Variants in SNTG2 observed in about 807,000 individuals in gnomAD.
SNTG2 encodes the protein gamma-2-syntrophin.
SNTG2 carries 74 observed loss-of-function variants against 70.9 expected under a neutral mutation model. The ratio of observed to expected loss-of-function variants is 1.04; its 90% CI spans 0.86 to 1.27. The LOEUF (loss-of-function observed/expected upper bound fraction) is 1.27. Ranked by LOEUF, SNTG2 falls within the 50% of genes most tolerant of loss-of-function variation. SNTG2 has a pLI of 0.00. For missense variants in SNTG2, 717 were observed against 690.7 expected (o/e 1.04, Z -0.43); for synonymous variants, 278 against 273.8 (o/e 1.02, Z -0.15).
intron 9 of SNTG2, chr2:1,210,444 G>A (rs1239641607): frequency 3.3e-5 from 5 of 152,200 alleles, no homozygotes; most frequent in African/African-American, 1.2e-4. Flanking sequence ...ATATGCCATG[G>A]TGGTCCCATT....
chr2:952,211 G>T lies in SNTG2; in HGVS notation c.72+1143G>T, dbSNP rs145599197. 1.1e-4 allele frequency among the ~76,000 whole-genome samples: 16 copies of T among 152,240 alleles called. 1 individual carries two copies. In the East Asian group the frequency reaches 3.1e-3, roughly 29 times the overall value. On this transcript the variant is annotated intron_variant, in intron 1 of 16. Coordinates refer to ENST00000308624, the MANE Select transcript of SNTG2 (RefSeq NM_018968.4). ...ACTGTTGCCCATGGTAATCAAACCC[G>T]AGAAAATATGCGGGGATTACCTGGA...
chr2:957,753 C>T (rs1320661609), intron 1 of SNTG2, among the ~76,000 whole-genome samples: 1 of 151,976 alleles, frequency 6.6e-6, no homozygotes, highest in African/African-American at 2.4e-5. Context: ...GATGCAGTCA[C>T]AGGCCAGGGG....
chr2:1,129,892 A>G (rs552895238), intron 4 of SNTG2, among the ~76,000 whole-genome samples: 2 of 152,296 alleles, frequency 1.3e-5, no homozygotes. Context: ...TGTCATCTTC[A>G]TGGAATTTAA....
chr2:1,063,466 C>T (rs1219964640), intron 1 of SNTG2, among the ~76,000 whole-genome samples: 1 of 152,050 alleles, frequency 6.6e-6, no homozygotes, highest in Non-Finnish European at 1.5e-5. Context: ...TGGCTCTCTC[C>T]AAAAGCACCA....
chr2:1,287,822 C>T (rs547911302), intron 14 of SNTG2, among the ~76,000 whole-genome samples: 2 of 152,194 alleles, frequency 1.3e-5, no homozygotes, highest in South Asian at 2.1e-4. Context: ...AAATAAGATG[C>T]GTCCTTTTCC....
chr2:1,148,471 G>A (rs1385886520), intron 6 of SNTG2, among the ~76,000 whole-genome samples: 1 of 152,202 alleles, frequency 6.6e-6, no homozygotes, highest in Non-Finnish European at 1.5e-5. Flanking sequence ...TGCTGTGTGT[G>A]TTTTGTGTTA....
At chr2:1,112,727 A>C (rs1430469008) in intron 4 of SNTG2, among the ~76,000 whole-genome samples, 1 of 149,702 alleles carries the variant, frequency 6.7e-6, no homozygotes, top group Non-Finnish European at 1.5e-5. Flanking sequence ...TCCTTTGAGG[A>C]GGATCGTGTG....
intron 4 of SNTG2, among the ~76,000 whole-genome samples, chr2:1,103,968 C>T (rs13389243): frequency 0.021 from 3,190 of 152,256 alleles, 45 homozygotes; most frequent in Middle Eastern, 0.054. Flanking sequence ...ATGGATAAGA[C>T]TAGGGAGAAA....
chr2:1,240,722 C>G (rs376640318), intron 11 of SNTG2, among the ~76,000 whole-genome samples: 1 of 152,254 alleles, frequency 6.6e-6, no homozygotes, highest in East Asian at 1.9e-4. Flanking sequence ...GAAAATAGGG[C>G]TGTGTTTTAA....
intron 1 of SNTG2, among the ~76,000 whole-genome samples, chr2:981,990 G>A (rs778055183): frequency 6.6e-6 from 1 of 152,042 alleles, no homozygotes; most frequent in Non-Finnish European, 1.5e-5. Flanking sequence ...ACATGCACTT[G>A]TGCACACACG....
chr2:999,381 C>T (rs530173914), intron 1 of SNTG2, among the ~76,000 whole-genome samples: 2 of 151,992 alleles, frequency 1.3e-5, no homozygotes, highest in Admixed American at 1.3e-4. Context: ...ATTATTCAAC[C>T]ATATGCTGCT....
intron 1 of SNTG2, among the ~76,000 whole-genome samples, chr2:1,032,041 A>G (rs1007882296): frequency 6.6e-6 from 1 of 152,234 alleles, no homozygotes; most frequent in Non-Finnish European, 1.5e-5. Context: ...TGAATTATAT[A>G]TAATTAAAGT....
chr2:1,351,244 A>G (rs1660555723), intron 16 of SNTG2, among the ~76,000 whole-genome samples: 1 of 152,122 alleles, frequency 6.6e-6, no homozygotes, highest in Non-Finnish European at 1.5e-5. Context: ...GCAGGGATTC[A>G]TCTTTAAAAT....
chr2:1,198,467 T>TAA (rs903027429), intron 8 of SNTG2, among the ~76,000 whole-genome samples: 17 of 141,606 alleles, frequency 1.2e-4, no homozygotes, highest in African/African-American at 1.8e-4. Flanking sequence ...TCGAAAAACG[T>TAA]AAAAAAAAAA....
chr2:1,172,931 G>A (rs1671221023), intron 7 of SNTG2, among the ~76,000 whole-genome samples, 161 bp from the exon 8 acceptor site: 1 of 152,182 alleles, frequency 6.6e-6, no homozygotes, highest in African/African-American at 2.4e-5. Flanking sequence ...ATCACAGCAG[G>A]AAAGTGAGAG....
At chr2:1,213,144 A>G (rs1287339894) in intron 9 of SNTG2, among the ~76,000 whole-genome samples, 1 of 152,236 alleles carries the variant, frequency 6.6e-6, no homozygotes, top group Non-Finnish European at 1.5e-5. Context: ...TTATGTTTCA[A>G]TACATGTTTG....
intron 16 of SNTG2, among the ~76,000 whole-genome samples, chr2:1,364,660 A>C (rs1465078895): frequency 6.7e-6 from 1 of 149,970 alleles, no homozygotes; most frequent in South Asian, 2.1e-4. Flanking sequence ...TGGGAGGCCG[A>C]GATGGGCGGA....
At position 1,006,317 on chromosome 2, in the gene SNTG2, AAAAG is replaced by A. The variant is rs1252158047; in HGVS notation, c.72+55253_72+55256del. Among the ~76,000 whole-genome samples, 6 of 152,228 alleles carry A rather than the reference AAAAG, an allele frequency of 3.9e-5. No homozygotes were observed. The East Asian group carries it at 7.7e-4, about 20-fold the overall frequency. On this transcript the variant is annotated intron_variant, in intron 1 of 16. Coordinates refer to ENST00000308624, the MANE Select transcript of SNTG2 (RefSeq NM_018968.4). ...CTTAAAACTTAAGGTATAATTAAAA[AAAAG>A]AAAAAAAATGCATTGATTATATACA...
chr2:1,176,787 G>T (rs752416401), intron 8 of SNTG2, among the ~76,000 whole-genome samples: 4 of 152,084 alleles, frequency 2.6e-5, no homozygotes, highest in Non-Finnish European at 4.4e-5. Context: ...AAACCACAAT[G>T]AGATACCATC....
Sources: gnomAD v4.1 joint callset for allele counts (sites outside exome capture counted in the v4.1 genomes callset) on GRCh38, gnomAD v4.1.1 for gene constraint, MANE v1.5 for transcripts, NCBI Gene and HGNC (gene_info 2026-07-23, HGNC 2026-07-21) for gene names.